The following DCLK1 variants were observed in gnomAD, a reference collection of about 807,000 sequenced individuals.
DCLK1 encodes the protein serine/threonine-protein kinase DCLK1.
In DCLK1, 16 loss-of-function variants were observed where a neutral mutation model predicts 86.2. That is an observed-to-expected ratio of 0.19 (90% CI 0.13 to 0.28). DCLK1 has a LOEUF of 0.28. Among genes scored for constraint, DCLK1 ranks in the 10% least tolerant of loss-of-function variants. The probability of loss-of-function intolerance (pLI) is 1.00; values close to 1 mark genes in which losing one functional copy is unlikely to be tolerated. For missense variants in DCLK1, 590 were observed against 940.2 expected (o/e 0.63, Z 4.87); for synonymous variants, 369 against 370.5 (o/e 1.00, Z 0.05).
At chr13:35,859,689 G>A (rs946547216) in intron 5 of DCLK1, among the ~76,000 whole-genome samples, 2 of 152,030 alleles carry the variant, frequency 1.3e-5, no homozygotes, top group African/African-American at 4.8e-5. Flanking sequence ...CTGGAGCCAC[G>A]AGTCCAGGGC....
At chr13:35,824,056 A>T (rs9601426) in intron 10 of DCLK1, among the ~76,000 whole-genome samples, 7 of 152,144 alleles carry the variant, frequency 4.6e-5, no homozygotes, top group African/African-American at 1.7e-4. Context: ...AGGAGGTGGG[A>T]CAGTCACCGT....
In DCLK1 at chr13:35,866,156, C is replaced by A. The variant is rs532814757; in HGVS notation, c.940+5068G>T. On this transcript the variant is annotated intron_variant, in intron 5 of 16. Coordinates refer to ENST00000360631, the MANE Select transcript of DCLK1 (RefSeq NM_001330071.2). ...CAGCCCTGCCTCTGTGTCCTTATTTCTACAAACAGAGATAATAATAACTTG... is the reference window on the plus strand; with the variant it reads ...CAGCCCTGCCTCTGTGTCCTTATTTATACAAACAGAGATAATAATAACTTG... Among the ~76,000 whole-genome samples, 7 of 152,174 alleles carry A rather than the reference C, an allele frequency of 4.6e-5. No homozygotes were observed. In the East Asian group the frequency reaches 1.4e-3, roughly 29 times the overall value.
At chr13:35,940,284 T>C (rs1314181485) in intron 4 of DCLK1, among the ~76,000 whole-genome samples, 1 of 127,670 alleles carries the variant, frequency 7.8e-6, no homozygotes, top group African/African-American at 3.5e-5. Flanking sequence ...ACAGCAAGAG[T>C]CCGTCTCAAA....
chr13:35,796,158 T>C lies in DCLK1; in HGVS notation c.1945-2679A>G, dbSNP rs2153100098. 1.3e-5 allele frequency among the ~76,000 whole-genome samples: 2 copies of C among 152,282 alleles called. 1 individual carries two copies. Among genetic ancestry groups the C allele is most frequent in the East Asian group, 3.9e-4 (2 of 5,164 alleles). ...GAATGAAAGGGGCCACCTTGGGTGC[T>C]CTACTGGCCTCACCAACAAGATTAC... On this transcript the variant is annotated intron_variant, in intron 15 of 16. Coordinates refer to ENST00000360631, the MANE Select transcript of DCLK1 (RefSeq NM_001330071.2).
chr13:35,936,757 G>C (rs1420697037), intron 4 of DCLK1, among the ~76,000 whole-genome samples: 1 of 152,124 alleles, frequency 6.6e-6, no homozygotes, highest in Non-Finnish European at 1.5e-5. Flanking sequence ...TGATGGATTT[G>C]AGGGCACAAG....
At chr13:35,962,279 G>C (rs1489641755) in intron 3 of DCLK1, among the ~76,000 whole-genome samples, 2 of 152,128 alleles carry the variant, frequency 1.3e-5, no homozygotes, top group African/African-American at 4.8e-5. Flanking sequence ...TCCTGGAGTT[G>C]AGCAGGCCCC....
chr13:35,776,161 T>TA (rs565872261), intron 16 of DCLK1, among the ~76,000 whole-genome samples: 29 of 152,360 alleles, frequency 1.9e-4, no homozygotes, highest in Middle Eastern at 3.4e-3. Flanking sequence ...ATATAGTTCT[T>TA]AGTCTTAAAC....
At position 35,822,783 on chromosome 13, in the gene DCLK1, T is replaced by A; in HGVS notation, c.1500A>T (p.Lys500Asn). ...GMLYNLASAI[K>N]YLHSLNIVHR... The stretch of plus-strand genomic sequence containing the variant: ...GGACGATGTTCAGGCTATGCAGGTA[T>A]TTGATGGCGCTGGCTAGGTTGTACA... Residue 500 changes from lysine (K) to asparagine (N), a missense_variant, in exon 11 of 17, where the codon AAA becomes AAT. Physicochemically the swap from Lys to Asn is moderately conservative, Grantham distance 94. Around this residue, in one of 6 missense-constraint regions of DCLK1, gnomAD observed 108 missense variants for 195.7 expected, o/e 0.55. Coordinates refer to ENST00000360631, the MANE Select transcript of DCLK1 (RefSeq NM_001330071.2). 6.2e-7 allele frequency: 1 copy of A among 1,614,020 alleles called. No individual in the cohort carries two copies. Among genetic ancestry groups the A allele is most frequent in the African/African-American group, 1.3e-5 (1 of 74,992 alleles).
intron 3 of DCLK1, among the ~76,000 whole-genome samples, chr13:36,024,336 T>A (rs942782247): frequency 1.3e-5 from 2 of 152,168 alleles, no homozygotes; most frequent in African/African-American, 2.4e-5. Context: ...ATCTGGAAAA[T>A]CCTAAGGAAT....
intron 8 of DCLK1, among the ~76,000 whole-genome samples, chr13:35,829,951 A>G (rs1430791593): frequency 1.3e-5 from 2 of 152,218 alleles, no homozygotes; most frequent in African/African-American, 4.8e-5. Flanking sequence ...CAGAGAGGCC[A>G]TGATGGGATG....
intron 3 of DCLK1, among the ~76,000 whole-genome samples, chr13:35,991,597 G>A (rs367730902): frequency 3.9e-5 from 6 of 152,162 alleles, no homozygotes; most frequent in Admixed American, 1.3e-4. Context: ...CTAAGAGGTC[G>A]AGGCTGCAGT....
chr13:35,847,976 C>T (rs1010616436), intron 6 of DCLK1: 2 of 985,266 alleles, frequency 2.0e-6, no homozygotes. Flanking sequence ...GAACTTCATA[C>T]TTTATATATT....
chr13:35,814,530 G>A (rs1344848118), intron 11 of DCLK1, among the ~76,000 whole-genome samples: 3 of 152,214 alleles, frequency 2.0e-5, no homozygotes, highest in Non-Finnish European at 2.9e-5. Flanking sequence ...GGCTGGTCCA[G>A]CTAGTGGAGC....
At chr13:35,838,261 C>T (rs2153107817) in intron 7 of DCLK1, among the ~76,000 whole-genome samples, 1 of 152,182 alleles carries the variant, frequency 6.6e-6, no homozygotes, top group East Asian at 1.9e-4. Context: ...TACTGTAAAT[C>T]ACATATTTCA....
chr13:35,943,987 T>A (rs1877231457), intron 4 of DCLK1, among the ~76,000 whole-genome samples: 1 of 152,154 alleles, frequency 6.6e-6, no homozygotes, highest in Admixed American at 6.5e-5. Context: ...AAGATTCTAC[T>A]GACTGATGAC....
At chr13:35,853,263 G>A (rs570112319) in intron 6 of DCLK1, among the ~76,000 whole-genome samples, 79 of 152,310 alleles carry the variant, frequency 5.2e-4, no homozygotes, top group Admixed American at 4.1e-3. Flanking sequence ...TCTGGAAAGA[G>A]GCTCCTTGTT....
At chr13:36,006,274 C>A (rs768676059) in intron 3 of DCLK1, among the ~76,000 whole-genome samples, 1 of 152,166 alleles carries the variant, frequency 6.6e-6, no homozygotes, top group Non-Finnish European at 1.5e-5. Context: ...CTTTTCCAGG[C>A]AGCCGTACCA....
Position 35,973,321 on chromosome 13 carries a change from C to T in DCLK1, c.724-25864G>A, listed in dbSNP as rs757361637. Among the ~76,000 whole-genome samples the T allele has an allele frequency of 6.6e-5, 10 of 152,312 alleles. No individual in the cohort carries two copies. The East Asian group carries it at 1.9e-3, about 29-fold the overall frequency. On this transcript the variant is annotated intron_variant, in intron 3 of 16. Transcript: ENST00000360631. ...GGATCCCAGGCCTCCTGCTTATAGGCTTTTGCCCCTCCTGGGAAGACCTCC... is the reference window on the plus strand; with the variant it reads ...GGATCCCAGGCCTCCTGCTTATAGGTTTTTGCCCCTCCTGGGAAGACCTCC...
intron 4 of DCLK1, among the ~76,000 whole-genome samples, chr13:35,884,306 C>A (rs1029352611): frequency 6.6e-6 from 1 of 151,990 alleles, no homozygotes; most frequent in African/African-American, 2.4e-5. Context: ...TTTATCCCAA[C>A]TCAAATTTGC....
Sources: allele counts gnomAD v4.1 joint callset (sites outside exome capture counted in the v4.1 genomes callset), GRCh38; gene constraint gnomAD v4.1.1; regional missense constraint gnomAD v4.1.1; transcripts MANE v1.5; gene names NCBI Gene and HGNC (gene_info 2026-07-23, HGNC 2026-07-21).